Variants in EXOC4 observed in about 807,000 individuals in gnomAD.
EXOC4 encodes the protein SEC8-like 1.
EXOC4 carries 71 observed loss-of-function variants against 107.2 expected under a neutral mutation model. The observed-to-expected ratio is 0.66, with a 90% CI of 0.55 to 0.81. The LOEUF is 0.81. Ranked by LOEUF, EXOC4 falls within the 30% of genes least tolerant of loss-of-function variation. EXOC4 has a pLI of 0.00. For missense variants in EXOC4, 1,108 were observed against 1,189.6 expected, an observed-to-expected ratio of 0.93 and a Z score of 1.01; for synonymous variants, 456 against 441.2, an observed-to-expected ratio of 1.03 and a Z score of -0.42.
At chr7:133,972,611 G>T (rs553525609) in intron 14 of EXOC4, among the ~76,000 whole-genome samples, 1 of 152,308 alleles carries the variant, frequency 6.6e-6, no homozygotes, top group South Asian at 2.1e-4. Flanking sequence ...GTAGGAATAT[G>T]CAAAGAGAGG....
chr7:133,986,125 A>G (rs1301026070), intron 14 of EXOC4, among the ~76,000 whole-genome samples: 1 of 152,240 alleles, frequency 6.6e-6, no homozygotes, highest in East Asian at 1.9e-4. Flanking sequence ...ACTAATGTGC[A>G]TTATGTCCCC....
intron 10 of EXOC4, among the ~76,000 whole-genome samples, chr7:133,739,186 C>T (rs1562977503): frequency 6.6e-6 from 1 of 150,688 alleles, no homozygotes; most frequent in East Asian, 2.0e-4. Context: ...TTTATCGTGA[C>T]ATCTACCTAC....
At chr7:133,993,136 G>T (rs1430432958) in intron 14 of EXOC4, among the ~76,000 whole-genome samples, 1 of 152,046 alleles carries the variant, frequency 6.6e-6, no homozygotes, top group Non-Finnish European at 1.5e-5. Context: ...TTAATGTGTT[G>T]TCAAATTCTA....
intron 7 of EXOC4, among the ~76,000 whole-genome samples, chr7:133,429,784 A>G (rs1797812684): frequency 6.6e-6 from 1 of 152,206 alleles, no homozygotes; most frequent in Non-Finnish European, 1.5e-5. Context: ...GGCAGTACCT[A>G]ATTTCTTTTT....
intron 10 of EXOC4, among the ~76,000 whole-genome samples, chr7:133,670,980 C>A (rs1481720385): frequency 1.3e-5 from 2 of 152,026 alleles, no homozygotes; most frequent in Non-Finnish European, 1.5e-5. Context: ...CCATAGGGTG[C>A]TCAGGGTGCG....
intron 11 of EXOC4, among the ~76,000 whole-genome samples, chr7:133,869,017 CCG>C (rs1425677649): frequency 2.6e-5 from 4 of 151,648 alleles, no homozygotes; most frequent in African/African-American, 9.7e-5. Context: ...ACACCCGCCC[CCG>C]CCCTTCTTTT....
intron 9 of EXOC4, among the ~76,000 whole-genome samples, chr7:133,498,018 C>G (rs774541747): frequency 5.0e-4 from 76 of 152,186 alleles, no homozygotes; most frequent in Non-Finnish European, 7.4e-4. Context: ...ATGATAGCCC[C>G]CTGAGGAAAG....
intron 9 of EXOC4, among the ~76,000 whole-genome samples, chr7:133,628,243 A>G (rs1802504667): frequency 6.6e-6 from 1 of 152,192 alleles, no homozygotes; most frequent in Non-Finnish European, 1.5e-5. Context: ...TGCTAGATTG[A>G]AGGATATAAC....
intron 11 of EXOC4, among the ~76,000 whole-genome samples, chr7:133,831,950 A>T (rs1482676277): frequency 6.6e-6 from 1 of 152,198 alleles, no homozygotes; most frequent in East Asian, 1.9e-4. Flanking sequence ...GGTGTGACCT[A>T]CCTTTCCCTC....
chr7:133,718,799 G>C (rs7809823), intron 10 of EXOC4, among the ~76,000 whole-genome samples: 1 of 152,182 alleles, frequency 6.6e-6, no homozygotes, highest in Non-Finnish European at 1.5e-5. Flanking sequence ...CTCTGAGAAA[G>C]CGAGTGGTGA....
chr7:133,558,472 T>A (rs1221424389), intron 9 of EXOC4, among the ~76,000 whole-genome samples: 3 of 152,084 alleles, frequency 2.0e-5, no homozygotes, highest in Admixed American at 2.0e-4. Context: ...ATAGTTTAAG[T>A]TGATGAAGTA....
chr7:133,268,082 C>G (rs771672055), intron 1 of EXOC4, among the ~76,000 whole-genome samples: 16 of 152,160 alleles, frequency 1.1e-4, no homozygotes, highest in Non-Finnish European at 2.2e-4. Context: ...TTTATATTTT[C>G]AAAGCACATT....
intron 10 of EXOC4, chr7:133,768,577 GA>G (rs1446542380): frequency 5.9e-5 from 9 of 151,978 alleles, no homozygotes; most frequent in Admixed American, 5.9e-4. Flanking sequence ...TTGGCAAAAT[GA>G]AAATGCTGCG....
At chr7:133,487,912 GA>G (rs1217672711) in intron 9 of EXOC4, among the ~76,000 whole-genome samples, 1 of 152,074 alleles carries the variant, frequency 6.6e-6, no homozygotes, top group Non-Finnish European at 1.5e-5. Context: ...AGGCCCACAA[GA>G]AAGTATATTT....
chr7:133,956,610 C>G lies in EXOC4; in HGVS notation c.2206+18541C>G, dbSNP rs139433685. 4.0e-3 allele frequency among the ~76,000 whole-genome samples: 607 copies of G among 152,316 alleles called. 3 individuals carry two copies. The highest frequency in any genetic ancestry group is 5.7e-3 in the Admixed American group (87 of 15,296). On this transcript the variant is annotated intron_variant, in intron 14 of 17. Transcript: ENST00000253861. ...TCATGTGGGGGAACTGGGGGCCTCT[C>G]TCCATGTGGTCCTTTCATCTGGGCT...
At chr7:133,542,443 T>C (rs1800398746) in intron 9 of EXOC4, among the ~76,000 whole-genome samples, 1 of 151,944 alleles carries the variant, frequency 6.6e-6, no homozygotes. Flanking sequence ...CAGGGGAAGG[T>C]TTTATGACCT....
At chr7:133,385,530 T>C (rs1005688004) in intron 7 of EXOC4, among the ~76,000 whole-genome samples, 2 of 152,248 alleles carry the variant, frequency 1.3e-5, no homozygotes, top group African/African-American at 4.8e-5. Flanking sequence ...AATACAAGTC[T>C]TTCACAGAAC....
intron 6 of EXOC4, among the ~76,000 whole-genome samples, chr7:133,371,773 T>G (rs531386921): frequency 1.3e-4 from 20 of 152,334 alleles, no homozygotes; most frequent in African/African-American, 3.6e-4. Context: ...ACTGGCTCCA[T>G]ATGGTAACTA....
At chr7:133,469,687 G>A (rs953763754) in intron 7 of EXOC4, among the ~76,000 whole-genome samples, 5 of 152,164 alleles carry the variant, frequency 3.3e-5, no homozygotes, top group Non-Finnish European at 7.4e-5. Flanking sequence ...AACTCATAGG[G>A]TAGAAAATCT....
Sources: gnomAD v4.1 joint callset for allele counts (sites outside exome capture counted in the v4.1 genomes callset) on GRCh38, gnomAD v4.1.1 for gene constraint, MANE v1.5 for transcripts, NCBI Gene and HGNC (gene_info 2026-07-23, HGNC 2026-07-21) for gene names.